SRBD1: variants seen among roughly 807,000 people sequenced by gnomAD.
SRBD1 encodes the protein S1 RNA binding domain 1, also known as S1 RNA-binding domain-containing protein 1.
SRBD1 carries 88 observed loss-of-function variants against 115.3 expected under a neutral mutation model. The observed-to-expected ratio is 0.76, with a 90% CI of 0.64 to 0.91. The LOEUF (loss-of-function observed/expected upper bound fraction) is 0.91. SRBD1 is among the 40% of genes least tolerant of loss of function. SRBD1 has a pLI of 0.00. For synonymous variants in SRBD1, 509 were observed against 407.7 expected, an observed-to-expected ratio of 1.25 and a Z score of -2.99; for missense variants, 1,385 against 1,177.4, an observed-to-expected ratio of 1.18 and a Z score of -2.58.
At chr2:45,530,596 A>C (rs1383754361) in intron 14 of SRBD1, among the ~76,000 whole-genome samples, 2 of 152,094 alleles carry the variant, frequency 1.3e-5, no homozygotes, top group Admixed American at 1.3e-4. Context: ...TATTAAAGAC[A>C]CACATCCTAT....
At chr2:45,435,723 G>C (rs1220490391) in intron 16 of SRBD1, among the ~76,000 whole-genome samples, 1 of 152,140 alleles carries the variant, frequency 6.6e-6, no homozygotes, top group African/African-American at 2.4e-5. Flanking sequence ...GAAAGGGGTA[G>C]AAGTGAGCTA....
At chr2:45,553,577 T>C (rs1672371350) in intron 11 of SRBD1, 46 bp downstream of exon 11, 1 of 1,278,108 alleles carries the variant, frequency 7.8e-7, no homozygotes, top group Non-Finnish European at 1.1e-6. Flanking sequence ...ACTAGTATCA[T>C]ATAACAATAA....
chr2:45,436,350 C>G (rs756640164), intron 16 of SRBD1, among the ~76,000 whole-genome samples: 2 of 152,138 alleles, frequency 1.3e-5, no homozygotes, highest in Non-Finnish European at 2.9e-5. Flanking sequence ...AGATCAGAAA[C>G]AAGACAAGGA....
At chr2:45,444,363 T>C (rs1668758224) in intron 16 of SRBD1, among the ~76,000 whole-genome samples, 1 of 152,184 alleles carries the variant, frequency 6.6e-6, no homozygotes, top group African/African-American at 2.4e-5. Context: ...AGCTTATCAT[T>C]TCTTTACCAA....
At chr2:45,595,379 T>G (rs1042251900) in intron 4 of SRBD1, among the ~76,000 whole-genome samples, 3 of 152,260 alleles carry the variant, frequency 2.0e-5, no homozygotes, top group African/African-American at 7.2e-5. Flanking sequence ...TAATACTTAA[T>G]AATTTCCATA....
intron 9 of SRBD1, chr2:45,567,870 C>G (rs975161490): frequency 1.3e-5 from 2 of 152,182 alleles, no homozygotes; most frequent in Admixed American, 1.3e-4. Flanking sequence ...CATAATATCA[C>G]AATACATTAT....
chr2:45,440,339 T>C (rs11886287), intron 16 of SRBD1, among the ~76,000 whole-genome samples: 2 of 152,220 alleles, frequency 1.3e-5, no homozygotes, highest in East Asian at 3.9e-4. Flanking sequence ...TGTCCCCTAG[T>C]GGATACAGGT....
At chr2:45,425,665 G>A (rs1668130153) in intron 16 of SRBD1, among the ~76,000 whole-genome samples, 1 of 152,040 alleles carries the variant, frequency 6.6e-6, no homozygotes, top group Admixed American at 6.5e-5. Context: ...CCCACGGAGG[G>A]CAAGCAGAAG....
At chr2:45,605,935 G>C (rs1221745583) in intron 1 of SRBD1, among the ~76,000 whole-genome samples, 1 of 150,460 alleles carries the variant, frequency 6.6e-6, no homozygotes, top group East Asian at 1.9e-4. Flanking sequence ...AAAAAGAGTA[G>C]CTAACAGCCT....
intron 16 of SRBD1, among the ~76,000 whole-genome samples, chr2:45,453,406 A>C (rs1669056864): frequency 1.3e-5 from 2 of 151,928 alleles, no homozygotes. Flanking sequence ...ATTTCTCTCC[A>C]TTCCTTAAGT....
chr2:45,557,491 T>A (rs1003852938), intron 10 of SRBD1, among the ~76,000 whole-genome samples: 3 of 152,150 alleles, frequency 2.0e-5, no homozygotes, highest in Non-Finnish European at 4.4e-5. Flanking sequence ...ACTGCTCTCC[T>A]CCCCTTCCTG....
At chr2:45,523,388 C>T (rs1671347632) in intron 14 of SRBD1, among the ~76,000 whole-genome samples, 1 of 150,056 alleles carries the variant, frequency 6.7e-6, no homozygotes. Context: ...AAGAAATGAA[C>T]TCCAAAGTTG....
chr2:45,419,904 C>G lies in SRBD1; in HGVS notation c.2050-10G>C, dbSNP rs3213788. 638,997 of 1,607,110 alleles carry G rather than the reference C, an allele frequency of 0.4. 135,412 individuals are homozygous for G. Among genetic ancestry groups the G allele is most frequent in the Non-Finnish European group, 0.44 (522,512 of 1,175,632 alleles). On this transcript the variant is annotated splice_polypyrimidine_tract_variant and intron_variant, in intron 16 of 20. Coordinates refer to ENST00000263736, the MANE Select transcript of SRBD1 (RefSeq NM_018079.5). ...TCTGGGATACGTCATGCTGAAAAGA[C>G]AAAGATCAAATATTAACAGTGAAGG...
chr2:45,472,956 G>GTT (rs5830862), intron 16 of SRBD1, among the ~76,000 whole-genome samples: 116 of 148,068 alleles, frequency 7.8e-4, no homozygotes, highest in African/African-American at 1.8e-3. Context: ...TATCAAGGTT[G>GTT]TTTTTTTTTT....
At chr2:45,459,688 T>G (rs976357608) in intron 16 of SRBD1, among the ~76,000 whole-genome samples, 4 of 152,168 alleles carry the variant, frequency 2.6e-5, no homozygotes, top group Non-Finnish European at 5.9e-5. Context: ...ATGTCTAATT[T>G]TTTTCCCTTT....
chr2:45,465,989 T>C (rs903444971), intron 16 of SRBD1, among the ~76,000 whole-genome samples: 3 of 152,312 alleles, frequency 2.0e-5, no homozygotes, highest in Non-Finnish European at 4.4e-5. Flanking sequence ...TAATCTACCA[T>C]GCATTCATTC....
chr2:45,603,581 G>A (rs1168916842), intron 2 of SRBD1, among the ~76,000 whole-genome samples: 1 of 152,152 alleles, frequency 6.6e-6, no homozygotes, highest in African/African-American at 2.4e-5. Context: ...ACAGGCTGGA[G>A]TGCAGTGACG....
chr2:45,470,745 C>T (rs888732944), intron 16 of SRBD1, among the ~76,000 whole-genome samples: 4 of 152,122 alleles, frequency 2.6e-5, no homozygotes, highest in African/African-American at 9.7e-5. Flanking sequence ...TTGGGAGTAA[C>T]ATCAAGTCAC....
chr2:45,602,545 C>T (rs1674128879), intron 2 of SRBD1, among the ~76,000 whole-genome samples: 1 of 152,194 alleles, frequency 6.6e-6, no homozygotes, highest in African/African-American at 2.4e-5. Context: ...CTAGGAAACA[C>T]ACTAAATTAC....
Sources: allele counts gnomAD v4.1 joint callset (sites outside exome capture counted in the v4.1 genomes callset), GRCh38; gene constraint gnomAD v4.1.1; transcripts MANE v1.5; gene names NCBI Gene and HGNC (gene_info 2026-07-23, HGNC 2026-07-21).